Variants in KCNA1 observed in about 807,000 individuals in gnomAD.
KCNA1 encodes potassium channel, voltage gated shaker related subfamily A, member 1.
In KCNA1, 19 loss-of-function variants were observed where a neutral mutation model predicts 28.8. The observed-to-expected ratio is 0.66, with a 90% CI of 0.46 to 0.97. The LOEUF (loss-of-function observed/expected upper bound fraction) is 0.97, where lower values mean the gene tolerates loss of function less well. KCNA1 is among the 50% of genes least tolerant of loss of function. The probability of loss-of-function intolerance (pLI) is 0.00; values close to 1 mark genes in which losing one functional copy is unlikely to be tolerated. For synonymous variants in KCNA1, 311 were observed against 268.8 expected (o/e 1.16, Z -1.53); for missense variants, 419 against 659.7 (o/e 0.64, Z 4.00).
chr12:4,911,463 G>C lies in KCNA1; in HGVS notation c.85G>C (p.Asp29His). Residue 29 changes from aspartate (D) to histidine (H), a missense_variant, in exon 2 of 2, where the codon GAC becomes CAC. By Grantham distance (81) the Asp-to-His change is moderately conservative. Transcript: ENST00000382545. This position sits in a 1 kb window ranked among gnomAD's most constrained non-coding sequence, Gnocchi z 6.6. The part of the protein sequence containing the change: ...PQDGSYPRQA[D>H]HDDHECCERV... ...GGATGGCAGCTACCCCCGGCAGGCC[G>C]ACCACGACGACCACGAGTGCTGCGA... 3 of 1,613,958 alleles carry C rather than the reference G, an allele frequency of 1.9e-6. No individual in the cohort carries two copies. Among genetic ancestry groups the C allele is most frequent in the Non-Finnish European group, 2.5e-6 (3 of 1,180,000 alleles).
rs1409849280 is a variant in KCNA1 at position 4,912,090 on chromosome 12, G to T, written c.712G>T (p.Val238Leu). Residue 238 changes from valine to leucine, a missense_variant, in exon 2 of 2, where the codon GTG becomes TTG. Val to Leu is a conservative substitution (Grantham distance 32). Coordinates refer to ENST00000382545, the MANE Select transcript of KCNA1 (RefSeq NM_000217.3). ...CATCTGGTTCTCCTTCGAGCTGGTG[G>T]TGCGCTTCTTCGCCTGCCCCAGCAA... ...CIIWFSFELV[V>L]RFFACPSKTD... The T allele has an allele frequency of 1.2e-6, 2 of 1,613,970 alleles. No individual in the cohort carries two copies. The highest frequency in any genetic ancestry group is 1.7e-6 in the Non-Finnish European group (2 of 1,180,020).
chr12:4,912,187 G>A lies in KCNA1; in HGVS notation c.809G>A (p.Gly270Asp). ...ATCATTCCTTATTTCATCACGCTGG[G>A]CACCGAGATAGCTGAGCAGGAAGGA... ...VAIIPYFITL[G>D]TEIAEQEGNQ... Residue 270 changes from glycine (G) to aspartate (D), a missense_variant, in exon 2 of 2, where the codon GGC (glycine) becomes GAC (aspartate). Around this residue, in one of 4 missense-constraint regions of KCNA1, gnomAD observed 217 missense variants for 329.6 expected, o/e 0.66. Transcript: ENST00000382545. 1 of 1,612,818 alleles carries A rather than the reference G, an allele frequency of 6.2e-7. No individual in the cohort carries two copies. Among genetic ancestry groups the A allele is most frequent in the Non-Finnish European group, 8.5e-7 (1 of 1,179,686 alleles).
Position 4,912,795 on chromosome 12 carries a change from A to G in KCNA1, c.1417A>G (p.Ile473Val), listed in dbSNP as rs747996470. 1 of 1,614,170 alleles carries G rather than the reference A, an allele frequency of 6.2e-7. No homozygotes were observed. The highest frequency in any genetic ancestry group is 1.1e-5 in the South Asian group (1 of 91,080). ...NSIAHYRQVN[I>V]RTANCTTANQ... is the part of the protein sequence containing the mutation. ...CATAGCCCATTATAGACAGGTCAATATCAGAACTGCCAATTGCACCACTGC... is the reference window on the plus strand; with the variant it reads ...CATAGCCCATTATAGACAGGTCAATGTCAGAACTGCCAATTGCACCACTGC... Residue 473 changes from isoleucine to valine, a missense_variant, in exon 2 of 2, where the codon ATC (isoleucine) becomes GTC (valine). Physicochemically the swap from Ile to Val is conservative, Grantham distance 29. This residue lies in a region of KCNA1 where 81 missense variants were observed against 86.5 expected (regional missense o/e 0.94). Coordinates refer to ENST00000382545, the MANE Select transcript of KCNA1 (RefSeq NM_000217.3).
chr12:4,912,137 C>G lies in KCNA1; in HGVS notation c.759C>G (p.Ile253Met). 6.2e-7 allele frequency: 1 copy of G among 1,614,088 alleles called. No individual in the cohort carries two copies. Among genetic ancestry groups the G allele is most frequent in the Non-Finnish European group, 8.5e-7 (1 of 1,180,018 alleles). The change falls in exon 2 of 2, where the codon ATC becomes ATG. Residue 253 changes from isoleucine (I) to methionine (M), a missense_variant. This residue lies in a region of KCNA1 where 217 missense variants were observed against 329.6 expected (regional missense o/e 0.66). Coordinates refer to ENST00000382545, the MANE Select transcript of KCNA1 (RefSeq NM_000217.3). ...CPSKTDFFKNIMNFIDIVAII... is the reference protein window; with the variant it reads ...CPSKTDFFKNMMNFIDIVAII... ...GCAAGACGGACTTCTTCAAAAACAT[C>G]ATGAACTTCATAGACATTGTGGCCA...
chr12:4,911,453 C>T lies in KCNA1; in HGVS notation c.75C>T (p.Pro25=). 1.9e-6 allele frequency: 3 copies of T among 1,613,876 alleles called. No homozygotes were observed. Among genetic ancestry groups the T allele is most frequent in the Non-Finnish European group, 1.7e-6 (2 of 1,179,972 alleles). The change falls in exon 2 of 2, where the codon CCC becomes CCT. Residue 25 remains proline (P), a synonymous_variant. Coordinates refer to ENST00000382545, the MANE Select transcript of KCNA1 (RefSeq NM_000217.3). The surrounding 1 kb of genome is among the most constrained non-coding windows in gnomAD (Gnocchi z 6.6). ...APGHPQDGSY[P]RQADHDDHEC... ...GCCACCCCCAGGATGGCAGCTACCC[C>T]CGGCAGGCCGACCACGACGACCACG...
At position 4,913,370 on chromosome 12, in the gene KCNA1, G is replaced by C. The variant is rs1296254850; in HGVS notation, c.*504G>C. 5.5e-6 allele frequency: 1 copy of C among 180,344 alleles called. No homozygotes were observed. The highest frequency in any genetic ancestry group is 1.3e-5 in the Non-Finnish European group (1 of 76,294). 11.2% of individuals were successfully genotyped at this position (180,344 alleles called of 1,614,324 possible). A position where few individuals can be genotyped will look rare whatever the true frequency, so the allele number is the denominator to read the frequency against. Reference sequence around the variant, plus strand: ...GTAACATGATAGACCAGCCAAAATGGACAATGAATAGATATTTTTATTTCG... The same window carrying C: ...GTAACATGATAGACCAGCCAAAATGCACAATGAATAGATATTTTTATTTCG... On this transcript the variant is annotated 3_prime_UTR_variant, in exon 2 of 2. Transcript: ENST00000382545.
chr12:4,911,535 A>T lies in KCNA1; in HGVS notation c.157A>T (p.Lys53Ter). The stretch of plus-strand genomic sequence containing the variant: ...CGGGCTGCGCTTCGAGACGCAGCTC[A>T]AGACCCTGGCGCAGTTCCCCAACAC... ...ISGLRFETQLKTLAQFPNTLL... is the reference protein window; with the variant it reads ...ISGLRFETQL Residue 53 changes from lysine to a stop codon, truncating the protein, a stop_gained, in exon 2 of 2, where the codon AAG becomes TAG. Transcript: ENST00000382545. LOFTEE classifies it high-confidence loss of function. This position sits in a 1 kb window ranked among gnomAD's most constrained non-coding sequence, Gnocchi z 6.6. 1 of 1,614,204 alleles carries T rather than the reference A, an allele frequency of 6.2e-7. No individual in the cohort carries two copies. Among genetic ancestry groups the T allele is most frequent in the Non-Finnish European group, 8.5e-7 (1 of 1,180,040 alleles).
chr12:4,916,786 A>C lies in KCNA1; in HGVS notation c.*3920A>C, dbSNP rs1218354110. On this transcript the variant is annotated 3_prime_UTR_variant, in exon 2 of 2. Coordinates refer to ENST00000382545, the MANE Select transcript of KCNA1 (RefSeq NM_000217.3). Reference sequence around the variant, plus strand: ...GCTTGAGAATTAAAAAAATACATGTAAATGGTAAATGAGGAATACATTTTT... The same window carrying C: ...GCTTGAGAATTAAAAAAATACATGTCAATGGTAAATGAGGAATACATTTTT... The C allele has an allele frequency of 1.2e-5, 2 of 167,046 alleles. No homozygotes were observed. Among genetic ancestry groups the C allele is most frequent in the African/African-American group, 4.8e-5 (2 of 41,456 alleles). 10.3% of individuals were successfully genotyped at this position (167,046 alleles called of 1,614,324 possible).
In KCNA1 at chr12:4,911,567, G is replaced by A. The variant is rs374515303; in HGVS notation, c.189G>A (p.Leu63=). 3 of 1,614,062 alleles carry A rather than the reference G, an allele frequency of 1.9e-6. No individual in the cohort carries two copies. The highest frequency in any genetic ancestry group is 2.7e-5 in the African/African-American group (2 of 74,916). Residue 63 remains leucine, a synonymous_variant, in exon 2 of 2, where the codon CTG becomes CTA. Transcript: ENST00000382545. This position sits in a 1 kb window ranked among gnomAD's most constrained non-coding sequence, Gnocchi z 6.6. ...TGGCGCAGTTCCCCAACACGCTGCT[G>A]GGCAACCCTAAGAAACGCATGCGCT... is the stretch of plus-strand genomic sequence containing the variant. ...KTLAQFPNTL[L]GNPKKRMRYF...
rs779656199 is a variant in KCNA1 at position 4,911,892 on chromosome 12, G to A, written c.514G>A (p.Val172Ile). Residue 172 changes from valine (V) to isoleucine (I), a missense_variant, in exon 2 of 2, where the codon GTC becomes ATC. Around this residue, in one of 4 missense-constraint regions of KCNA1, gnomAD observed 217 missense variants for 329.6 expected, o/e 0.66. Coordinates refer to ENST00000382545, the MANE Select transcript of KCNA1 (RefSeq NM_000217.3). This position sits in a 1 kb window ranked among gnomAD's most constrained non-coding sequence, Gnocchi z 6.6. The part of the protein sequence containing the change: ...SSGPARVIAI[V>I]SVMVILISIV... ...GGGGCCCGCCAGGGTCATCGCCATC[G>A]TCTCCGTCATGGTCATCCTCATCTC... 4 of 1,614,024 alleles carry A rather than the reference G, an allele frequency of 2.5e-6. No individual in the cohort carries two copies. In the South Asian group the frequency reaches 4.4e-5, roughly 18 times the overall value.
In KCNA1 at chr12:4,915,069, A is replaced by G. The variant is rs1279190521; in HGVS notation, c.*2203A>G. ...CCCTCCTGGTCTACCCCTTTCAGAT[A>G]TTTCCTGATGCCCCTATGATCTTCC... On this transcript the variant is annotated 3_prime_UTR_variant, in exon 2 of 2. Transcript: ENST00000382545. 1.2e-5 allele frequency: 2 copies of G among 167,062 alleles called. No homozygotes were observed. Among genetic ancestry groups the G allele is most frequent in the Admixed American group, 1.3e-4 (2 of 15,282 alleles). The allele number at this position is 167,062 out of a possible 1,614,324, so 10.3% of individuals were successfully genotyped here. A position where few individuals can be genotyped will look rare whatever the true frequency, so the allele number is the denominator to read the frequency against.
chr12:4,910,100 A>G lies in KCNA1; in HGVS notation c.-912A>G, dbSNP rs1214051998. 6.6e-6 allele frequency: 1 copy of G among 152,630 alleles called. No individual in the cohort carries two copies. The highest frequency in any genetic ancestry group is 1.5e-5 in the Non-Finnish European group (1 of 68,056). 9.5% of individuals were successfully genotyped at this position (152,630 alleles called of 1,614,324 possible). A position where few individuals can be genotyped will look rare whatever the true frequency, so the allele number is the denominator to read the frequency against. ...TCGAATCAAGGGCTCCCATAGTGTT[A>G]GGAGGGGGCGAGAGTGCTGTTTATC... On this transcript the variant is annotated 5_prime_UTR_variant, in exon 1 of 2. Transcript: ENST00000382545. This position sits in a 1 kb window ranked among gnomAD's most constrained non-coding sequence, Gnocchi z 4.9.
At position 4,915,423 on chromosome 12, in the gene KCNA1, G is replaced by A. The variant is rs1398835488; in HGVS notation, c.*2557G>A. 1 of 167,058 alleles carries A rather than the reference G, an allele frequency of 6.0e-6. No individual in the cohort carries two copies. The highest frequency in any genetic ancestry group is 2.4e-5 in the African/African-American group (1 of 41,428). The allele number at this position is 167,058 out of a possible 1,614,324, so 10.3% of individuals were successfully genotyped here. On this transcript the variant is annotated 3_prime_UTR_variant, in exon 2 of 2. Coordinates refer to ENST00000382545, the MANE Select transcript of KCNA1 (RefSeq NM_000217.3). ...TGAGGCAATCACCCTAGAAACTCGA[G>A]TTACACCCATTCTGGCTAACTCGAT...
In KCNA1 at chr12:4,912,554, T is replaced by C. The variant is rs753733816; in HGVS notation, c.1176T>C (p.Cys392=). Residue 392 remains cysteine (C), a synonymous_variant, in exon 2 of 2, where the codon TGT becomes TGC. Transcript: ENST00000382545. ...GAGGCAAGATCGTGGGCTCCTTGTG[T>C]GCCATCGCTGGTGTGCTAACAATTG... ...TIGGKIVGSL[C]AIAGVLTIAL... is the part of the protein sequence containing the mutation. 6.2e-7 allele frequency: 1 copy of C among 1,613,918 alleles called. No homozygotes were observed. Among genetic ancestry groups the C allele is most frequent in the East Asian group, 2.2e-5 (1 of 44,840 alleles).
rs1591627806 is a variant in KCNA1, at chr12:4,912,245, C to T, written c.867C>T (p.Ala289=). The change falls in exon 2 of 2, where the codon GCC becomes GCT. Residue 289 remains alanine (A), a synonymous_variant. Transcript: ENST00000382545. ...AGGGCGAGCAGGCCACCTCCCTGGC[C>T]ATCCTCAGGGTCATCCGCTTGGTAA... ...NQKGEQATSL[A]ILRVIRLVRV... 1.2e-6 allele frequency: 2 copies of T among 1,612,824 alleles called. No individual in the cohort carries two copies. The highest frequency in any genetic ancestry group is 1.7e-6 in the Non-Finnish European group (2 of 1,179,772).
Position 4,912,712 on chromosome 12 carries a change from G to C in KCNA1, c.1334G>C (p.Ser445Thr). 6.2e-7 allele frequency: 1 copy of C among 1,613,516 alleles called. No individual in the cohort carries two copies. The highest frequency in any genetic ancestry group is 8.5e-7 in the Non-Finnish European group (1 of 1,180,010). ...TCTGACAGTGACCTCAGTCGCCGCAGTTCCTCTACTATGAGCAAGTCTGAG... is the reference window on the plus strand; with the variant it reads ...TCTGACAGTGACCTCAGTCGCCGCACTTCCTCTACTATGAGCAAGTCTGAG... ...LASDSDLSRR[S>T]SSTMSKSEYM... The change falls in exon 2 of 2, where the codon AGT (serine) becomes ACT (threonine). Residue 445 changes from serine to threonine, a missense_variant. This residue lies in a region of KCNA1 where 81 missense variants were observed against 86.5 expected (regional missense o/e 0.94). Coordinates refer to ENST00000382545, the MANE Select transcript of KCNA1 (RefSeq NM_000217.3).
In KCNA1 at chr12:4,912,275, T is replaced by A. The variant is rs745459156; in HGVS notation, c.897T>A (p.Val299=). 1 of 1,611,838 alleles carries A rather than the reference T, an allele frequency of 6.2e-7. No individual in the cohort carries two copies. Among genetic ancestry groups the A allele is most frequent in the South Asian group, 1.1e-5 (1 of 90,934 alleles). Residue 299 remains valine (V), a synonymous_variant, in exon 2 of 2, where the codon GTT becomes GTA. Coordinates refer to ENST00000382545, the MANE Select transcript of KCNA1 (RefSeq NM_000217.3). ...TCAGGGTCATCCGCTTGGTAAGGGT[T>A]TTTAGAATCTTCAAGCTCTCCCGCC... ...AILRVIRLVR[V]FRIFKLSRHS...
Position 4,912,021 on chromosome 12 carries a change from A to G in KCNA1, c.643A>G (p.Asn215Asp), listed in dbSNP as rs754350793. 59 of 1,614,124 alleles carry G rather than the reference A, an allele frequency of 3.7e-5. No homozygotes were observed. Among genetic ancestry groups the G allele is most frequent in the Non-Finnish European group, 5.0e-5 (59 of 1,180,014 alleles). The change falls in exon 2 of 2, where the codon AAC (asparagine) becomes GAC (aspartate). Residue 215 changes from asparagine to aspartate, a missense_variant. Asn to Asp is a conservative substitution (Grantham distance 23). Around this residue, in one of 4 missense-constraint regions of KCNA1, gnomAD observed 217 missense variants for 329.6 expected, o/e 0.66. Coordinates refer to ENST00000382545, the MANE Select transcript of KCNA1 (RefSeq NM_000217.3). ...IDNTTVIYNS[N>D]IFTDPFFIVE... Reference sequence around the variant, plus strand: ...CAACACCACGGTCATCTACAATTCCAACATCTTCACAGACCCCTTCTTCAT... The same window carrying G: ...CAACACCACGGTCATCTACAATTCCGACATCTTCACAGACCCCTTCTTCAT...
In KCNA1 at chr12:4,912,859, A is replaced by G; in HGVS notation, c.1481A>G (p.Asp494Gly). The G allele has an allele frequency of 6.2e-7, 1 of 1,611,602 alleles. No individual in the cohort carries two copies. Among genetic ancestry groups the G allele is most frequent in the Non-Finnish European group, 8.5e-7 (1 of 1,177,664 alleles). Residue 494 changes from aspartate (D) to glycine (G), a missense_variant, in exon 2 of 2, where the codon GAT becomes GGT. Physicochemically the swap from Asp to Gly is moderately conservative, Grantham distance 94. Transcript: ENST00000382545. ...NCVNKSKLLT[D>G]V ...GTTAATAAGAGCAAGCTACTGACCG[A>G]TGTTTAAAAAACAAAGGCAAGCAAA...
Sources: allele counts gnomAD v4.1 joint callset, GRCh38; gene constraint gnomAD v4.1.1; regional missense constraint gnomAD v4.1.1; non-coding constraint Gnocchi (gnomAD v3.1); transcripts MANE v1.5; gene names NCBI Gene and HGNC (gene_info 2026-07-23, HGNC 2026-07-21).